Variants in DCLK1 observed in about 807,000 individuals in gnomAD.
DCLK1 encodes doublecortin like kinase 1.
Under a neutral mutation model 86.2 loss-of-function variants are expected in DCLK1, and 16 were observed. The observed-to-expected ratio is 0.19, with a 90% CI of 0.13 to 0.28. The LOEUF is 0.28. DCLK1 is among the 10% of genes least tolerant of loss of function. DCLK1 has a pLI of 1.00. For missense variants in DCLK1, 590 were observed against 940.2 expected, an observed-to-expected ratio of 0.63 and a Z score of 4.87; for synonymous variants, 369 against 370.5, an observed-to-expected ratio of 1.00 and a Z score of 0.05.
intron 11 of DCLK1, among the ~76,000 whole-genome samples, chr13:35,819,050 C>G (rs2087335251): frequency 6.6e-6 from 1 of 152,040 alleles, no homozygotes; most frequent in Non-Finnish European, 1.5e-5. Flanking sequence ...ATAGAAGTAT[C>G]ACTCATTCAC....
At chr13:35,945,937 T>C (rs946151701) in intron 4 of DCLK1, among the ~76,000 whole-genome samples, 5 of 152,220 alleles carry the variant, frequency 3.3e-5, no homozygotes, top group Non-Finnish European at 7.3e-5. Context: ...GACACATCTA[T>C]TTATATTCTT....
intron 3 of DCLK1, among the ~76,000 whole-genome samples, chr13:35,994,040 T>C (rs1345735227): frequency 6.6e-6 from 1 of 151,500 alleles, no homozygotes; most frequent in Non-Finnish European, 1.5e-5. Context: ...AACATCCTTT[T>C]GAGATACTGG....
intron 3 of DCLK1, among the ~76,000 whole-genome samples, chr13:35,993,731 G>A (rs188422900): frequency 8.1e-4 from 123 of 151,854 alleles, no homozygotes; most frequent in Middle Eastern, 6.8e-3. Flanking sequence ...TTTTTTTGAT[G>A]ATGGTAATAA....
At chr13:36,129,953 T>C (rs1886307219) in intron 1 of DCLK1, among the ~76,000 whole-genome samples, 1 of 151,868 alleles carries the variant, frequency 6.6e-6, no homozygotes, top group African/African-American at 2.4e-5. Flanking sequence ...TTTACACACA[T>C]ATATACCAAG....
intron 3 of DCLK1, among the ~76,000 whole-genome samples, chr13:35,966,916 C>T (rs1259898781): frequency 2.0e-5 from 3 of 152,012 alleles, no homozygotes; most frequent in Non-Finnish European, 4.4e-5. Context: ...AGCCTCTGCC[C>T]GGCCGCCACC....
At chr13:35,907,754 G>T (rs1293709783) in intron 4 of DCLK1, among the ~76,000 whole-genome samples, 1 of 150,906 alleles carries the variant, frequency 6.6e-6, no homozygotes, top group African/African-American at 2.4e-5. Flanking sequence ...TGGCTCAGAG[G>T]TTCAAGCTAA....
At chr13:35,976,605 A>T (rs548687703) in intron 3 of DCLK1, among the ~76,000 whole-genome samples, 1 of 132,602 alleles carries the variant, frequency 7.5e-6, no homozygotes, top group African/African-American at 2.9e-5. Context: ...ATCTCGGCTC[A>T]CTGCAAGCTC....
At chr13:35,850,460 G>A (rs1410114991) in intron 6 of DCLK1, 2 of 1,143,344 alleles carry the variant, frequency 1.7e-6, no homozygotes, top group Admixed American at 4.8e-5. Flanking sequence ...CTAGAGCCAG[G>A]CCCTGTACAA....
At chr13:35,903,887 A>G (rs900556497) in intron 4 of DCLK1, among the ~76,000 whole-genome samples, 6 of 152,182 alleles carry the variant, frequency 3.9e-5, no homozygotes, top group Non-Finnish European at 7.3e-5. Context: ...TGACCTAACA[A>G]TATCAATTTT....
intron 4 of DCLK1, among the ~76,000 whole-genome samples, chr13:35,912,705 C>G (rs1465363891): frequency 1.3e-5 from 2 of 152,166 alleles, no homozygotes; most frequent in African/African-American, 4.8e-5. Context: ...GGACACCAGA[C>G]AAGAGTTCAG....
intron 3 of DCLK1, among the ~76,000 whole-genome samples, chr13:36,064,864 A>G (rs1883692917): frequency 6.6e-6 from 1 of 152,172 alleles, no homozygotes; most frequent in Non-Finnish European, 1.5e-5. Flanking sequence ...TCAAGTAAAA[A>G]CAGGTCACCA....
At chr13:36,079,964 T>C (rs995568236) in intron 3 of DCLK1, among the ~76,000 whole-genome samples, 1 of 152,206 alleles carries the variant, frequency 6.6e-6, no homozygotes, top group African/African-American at 2.4e-5. Context: ...TACTTATCCT[T>C]ACCAATGACA....
intron 3 of DCLK1, among the ~76,000 whole-genome samples, chr13:35,999,333 T>G (rs1880611581): frequency 6.6e-6 from 1 of 152,192 alleles, no homozygotes; most frequent in Non-Finnish European, 1.5e-5. Context: ...GATATGACAT[T>G]CACTCAGCAC....
intron 3 of DCLK1, among the ~76,000 whole-genome samples, chr13:36,016,082 A>C (rs571362851): frequency 6.6e-6 from 1 of 152,290 alleles, no homozygotes; most frequent in East Asian, 1.9e-4. Flanking sequence ...TCTTGCCAAG[A>C]AATACTGATA....
intron 3 of DCLK1, 53 bp downstream of exon 3, chr13:36,111,816 G>T: frequency 6.5e-7 from 1 of 1,527,934 alleles, no homozygotes; most frequent in Non-Finnish European, 8.9e-7. Flanking sequence ...TACACCCTCC[G>T]ACTCCCTGGT....
intron 5 of DCLK1, among the ~76,000 whole-genome samples, chr13:35,862,862 T>C (rs1871503546): frequency 6.6e-6 from 1 of 151,880 alleles, no homozygotes; most frequent in African/African-American, 2.4e-5. Flanking sequence ...CTGTTTCCTC[T>C]AGGTCATCAC....
At chr13:35,849,797 A>C (rs1222958686) in intron 6 of DCLK1, 2 of 985,312 alleles carry the variant, frequency 2.0e-6, no homozygotes, top group East Asian at 1.1e-4. Context: ...AGCACCATTT[A>C]AGTGAATTTT....
intron 3 of DCLK1, among the ~76,000 whole-genome samples, chr13:35,993,295 C>T (rs888790729): frequency 1.3e-5 from 2 of 152,190 alleles, no homozygotes; most frequent in African/African-American, 2.4e-5. Flanking sequence ...CAACAAGTAA[C>T]CTCAAAACTA....
At chr13:35,861,753 AC>A (rs1185662823) in intron 5 of DCLK1, among the ~76,000 whole-genome samples, 1 of 151,970 alleles carries the variant, frequency 6.6e-6, no homozygotes, top group Non-Finnish European at 1.5e-5. Flanking sequence ...CTGGCCAGGC[AC>A]AGTGGCTCAC....
Sources: allele counts gnomAD v4.1 joint callset (sites outside exome capture counted in the v4.1 genomes callset), GRCh38; gene constraint gnomAD v4.1.1; transcripts MANE v1.5; gene names NCBI Gene and HGNC (gene_info 2026-07-23, HGNC 2026-07-21).